DAB2IP: variants seen among roughly 807,000 people sequenced by gnomAD.
The protein encoded by DAB2IP is disabled homolog 2-interacting protein.
DAB2IP carries 28 observed loss-of-function variants against 107.2 expected under a neutral mutation model. The ratio of observed to expected loss-of-function variants is 0.26; its 90% confidence interval spans 0.19 to 0.36. The LOEUF is 0.36. Among genes scored for constraint, DAB2IP ranks in the 10% least tolerant of loss-of-function variants. The pLI is 1.00. For missense variants in DAB2IP, 1,400 were observed against 1,644.7 expected (o/e 0.85, Z 2.57); for synonymous variants, 755 against 706.4 (o/e 1.07, Z -1.09).
intron 2 of DAB2IP, among the ~76,000 whole-genome samples, chr9:121,690,514 T>C (rs1829110675): frequency 6.6e-6 from 1 of 152,188 alleles, no homozygotes; most frequent in Non-Finnish European, 1.5e-5. Context: ...AGGCTTATTA[T>C]GCTAAGGCAA....
chr9:121,650,453 AC>A (rs1432237594), upstream of DAB2IP, among the ~76,000 whole-genome samples: 1 of 152,052 alleles, frequency 6.6e-6, no homozygotes, highest in Admixed American at 6.5e-5. Context: ...CCAGGGCCCC[AC>A]CTTCCCCACT....
At chr9:121,637,583 G>T (rs1254977621) in intron 1 of DAB2IP, among the ~76,000 whole-genome samples, 1 of 152,178 alleles carries the variant, frequency 6.6e-6, no homozygotes, top group Non-Finnish European at 1.5e-5. Context: ...GAAGGGAGGG[G>T]AGAGGGATTG....
intron 6 of DAB2IP, among the ~76,000 whole-genome samples, chr9:121,762,137 C>G (rs1013011491): frequency 6.6e-6 from 1 of 152,332 alleles, no homozygotes; most frequent in Middle Eastern, 3.4e-3. Flanking sequence ...ACTAGCCCCT[C>G]TTCCGTCTCC....
chr9:121,582,420 G>A (rs1024103973), intron 1 of DAB2IP, among the ~76,000 whole-genome samples: 1 of 152,024 alleles, frequency 6.6e-6, no homozygotes, highest in Non-Finnish European at 1.5e-5. Flanking sequence ...TGCGGGCTGT[G>A]GGGGGTGAGA....
chr9:121,675,409 C>T (rs892520838), intron 1 of DAB2IP, among the ~76,000 whole-genome samples: 8 of 152,058 alleles, frequency 5.3e-5, no homozygotes, highest in African/African-American at 1.9e-4. Flanking sequence ...GGTGAGGAGT[C>T]CCTTCTTTCT....
chr9:121,644,613 A>T (rs1468841829), intron 1 of DAB2IP, among the ~76,000 whole-genome samples: 1 of 152,172 alleles, frequency 6.6e-6, no homozygotes, highest in Non-Finnish European at 1.5e-5. Context: ...TAAAAAATAA[A>T]AAAAGAGAGA....
intron 10 of DAB2IP, among the ~76,000 whole-genome samples, chr9:121,769,676 G>A (rs1834553686): frequency 6.6e-6 from 1 of 152,182 alleles, no homozygotes; most frequent in Non-Finnish European, 1.5e-5. Context: ...GAGAGACACA[G>A]GAGGGAGAAA....
intron 2 of DAB2IP, among the ~76,000 whole-genome samples, chr9:121,689,844 C>G (rs1268987562): frequency 6.6e-6 from 1 of 152,254 alleles, no homozygotes; most frequent in African/African-American, 2.4e-5. Context: ...AGACTAATCC[C>G]CGCATTGTAC....
At chr9:121,653,040 G>A (rs944201005) in intron 1 of DAB2IP, among the ~76,000 whole-genome samples, 2 of 152,076 alleles carry the variant, frequency 1.3e-5, no homozygotes, top group Non-Finnish European at 2.9e-5. Flanking sequence ...GTGTGTGCTG[G>A]TAGTTCAGTC....
At chr9:121,773,282 C>T (rs1409532903) in exon 12 of DAB2IP, 1 of 1,531,456 alleles carries the variant, frequency 6.5e-7, no homozygotes, top group African/African-American at 1.4e-5. Flanking sequence ...GGAGGATCGA[C>T]CAGCCTCCGC....
At chr9:121,655,290 T>C (rs1564137058) in intron 1 of DAB2IP, among the ~76,000 whole-genome samples, 3 of 152,246 alleles carry the variant, frequency 2.0e-5, no homozygotes, top group Admixed American at 2.0e-4. Flanking sequence ...GCAAGGTGCC[T>C]CCCCACCTAG....
At position 121,570,843 on chromosome 9, in the gene DAB2IP, G is replaced by A. The variant is rs550206705; in HGVS notation, c.40+3615G>A. 2.4e-4 allele frequency among the ~76,000 whole-genome samples: 37 copies of A among 151,340 alleles called. 1 individual carries two copies. Among genetic ancestry groups the A allele is most frequent in the Admixed American group, 2.1e-3 (32 of 15,268 alleles). On this transcript the variant is annotated intron_variant, in intron 1 of 16. Coordinates refer to the DAB2IP transcript ENST00000259371. ...GATTACAGGCATGAGCCACAGTGCC[G>A]GCCTGGCTTCTGGGACAGGCTGCTC... is the stretch of plus-strand genomic sequence containing the variant.
intron 3 of DAB2IP, among the ~76,000 whole-genome samples, chr9:121,715,589 G>A (rs932739974): frequency 2.0e-5 from 3 of 151,932 alleles, no homozygotes; most frequent in Admixed American, 6.5e-5. Flanking sequence ...TCCTGACCTC[G>A]TGATCTGCCT....
chr9:121,578,804 G>T (rs4129626), intron 1 of DAB2IP, among the ~76,000 whole-genome samples: 6 of 125,038 alleles, frequency 4.8e-5, no homozygotes, highest in African/African-American at 1.9e-4. Flanking sequence ...GCAGAGGCAC[G>T]ATCTTGGCTC....
chr9:121,666,045 G>A (rs7025397), intron 1 of DAB2IP, among the ~76,000 whole-genome samples: 1,816 of 152,238 alleles, frequency 0.012, 54 homozygotes, highest in African/African-American at 0.041. Context: ...AATCATTTTC[G>A]CTGGGCTAAA....
intron 1 of DAB2IP, among the ~76,000 whole-genome samples, chr9:121,580,368 G>T (rs1043777461): frequency 1.3e-5 from 2 of 152,172 alleles, no homozygotes; most frequent in Admixed American, 1.3e-4. Flanking sequence ...AGGAGAAGAT[G>T]CTGACCTTAA....
intron 1 of DAB2IP, among the ~76,000 whole-genome samples, chr9:121,588,310 T>A (rs1038530639): frequency 1.9e-4 from 29 of 151,900 alleles, no homozygotes; most frequent in South Asian, 8.3e-4. Context: ...CCTGATCCCT[T>A]CAGATCAGGC....
chr9:121,761,975 G>A lies in DAB2IP; in HGVS notation c.1171-1530G>A, dbSNP rs974589979. The stretch of plus-strand genomic sequence containing the variant: ...TGAAGCAGCCTGAAATGATAGGTAT[G>A]TCCAGGTGCTCGTGGAGGGAGGTGA... On this transcript the variant is annotated intron_variant, in intron 6 of 15. Transcript: ENST00000408936. Among the ~76,000 whole-genome samples the A allele has an allele frequency of 2.6e-5, 4 of 152,276 alleles. No homozygotes were observed. In the South Asian group the frequency reaches 6.2e-4, roughly 24 times the overall value.
At chr9:121,618,080 C>T (rs77942863) in intron 1 of DAB2IP, among the ~76,000 whole-genome samples, 10,773 of 152,190 alleles carry the variant, frequency 0.071, 445 homozygotes, top group Non-Finnish European at 0.096. Flanking sequence ...ACAGAAGGCC[C>T]CCCTCAAGCT....
Sources: allele counts gnomAD v4.1 joint callset (sites outside exome capture counted in the v4.1 genomes callset), GRCh38; gene constraint gnomAD v4.1.1; transcripts MANE v1.5; gene names NCBI Gene and HGNC (gene_info 2026-07-23, HGNC 2026-07-21).